Variants in ZSWIM5 observed in about 807,000 individuals in gnomAD.
The protein encoded by ZSWIM5 is zinc finger SWIM domain-containing protein 5.
Under a neutral mutation model 119.6 loss-of-function variants are expected in ZSWIM5, and 55 were observed. The ratio of observed to expected loss-of-function variants is 0.46; its 90% CI spans 0.37 to 0.58. The LOEUF (loss-of-function observed/expected upper bound fraction) is 0.58, where lower values mean the gene tolerates loss of function less well. Ranked by LOEUF, ZSWIM5 falls within the 20% of genes least tolerant of loss-of-function variation. ZSWIM5 has a pLI of 0.00. For synonymous variants in ZSWIM5, 537 were observed against 606.9 expected (o/e 0.88, Z 1.69); for missense variants, 1,193 against 1,512.8 (o/e 0.79, Z 3.51).
intron 4 of ZSWIM5, among the ~76,000 whole-genome samples, chr1:45,052,416 CA>C (rs1169572382): frequency 6.6e-5 from 10 of 152,070 alleles, no homozygotes; most frequent in African/African-American, 2.4e-4. Context: ...CTCTCAAAGC[CA>C]AATAGGAATG....
At chr1:45,195,911 A>G (rs1048688334) in intron 1 of ZSWIM5, among the ~76,000 whole-genome samples, 4 of 149,882 alleles carry the variant, frequency 2.7e-5, no homozygotes, top group East Asian at 3.9e-4. Context: ...TCTGTCACCT[A>G]CGCTGGAGAG....
At chr1:45,174,593 G>A (rs1481408189) in intron 1 of ZSWIM5, among the ~76,000 whole-genome samples, 3 of 148,100 alleles carry the variant, frequency 2.0e-5, no homozygotes, top group Non-Finnish European at 4.5e-5. Flanking sequence ...AAAAAAATTA[G>A]CTGGGCATGA....
At position 45,158,648 on chromosome 1, in the gene ZSWIM5, G is replaced by C. The variant is rs189118699; in HGVS notation, c.595+47108C>G. ...ATATAATAATTACCTTTATAGGTTT[G>C]TTGTGATGATTTAGACAATGGATTT... On this transcript the variant is annotated intron_variant, in intron 1 of 13. Transcript: ENST00000359600. Among the ~76,000 whole-genome samples, 260 of 152,288 alleles carry C rather than the reference G, an allele frequency of 1.7e-3. 1 individual carries two copies. Among genetic ancestry groups the C allele is most frequent in the African/African-American group, 5.9e-3 (246 of 41,572 alleles).
intron 1 of ZSWIM5, among the ~76,000 whole-genome samples, chr1:45,155,923 T>C (rs907310419): frequency 1.3e-5 from 2 of 151,702 alleles, no homozygotes; most frequent in African/African-American, 2.4e-5. Flanking sequence ...AGACTACAAA[T>C]TGGGTTCAGT....
At chr1:45,125,999 T>C (rs1245205494) in intron 1 of ZSWIM5, among the ~76,000 whole-genome samples, 1 of 151,826 alleles carries the variant, frequency 6.6e-6, no homozygotes, top group Non-Finnish European at 1.5e-5. Flanking sequence ...ACCCAGGAGC[T>C]TGAGGTTACA....
At chr1:45,159,192 T>C (rs1407635458) in intron 1 of ZSWIM5, among the ~76,000 whole-genome samples, 2 of 152,174 alleles carry the variant, frequency 1.3e-5, no homozygotes, top group Non-Finnish European at 2.9e-5. Flanking sequence ...TATAAGTTAG[T>C]GTAAGTTATA....
intron 1 of ZSWIM5, among the ~76,000 whole-genome samples, chr1:45,115,538 C>T (rs568331821): frequency 4.2e-5 from 6 of 142,660 alleles, no homozygotes; most frequent in East Asian, 4.4e-4. Context: ...ACATCCCAGA[C>T]GGGGCGCGGG....
chr1:45,105,180 G>C (rs1192516371), intron 1 of ZSWIM5, among the ~76,000 whole-genome samples: 2 of 152,272 alleles, frequency 1.3e-5, no homozygotes, highest in African/African-American at 4.8e-5. Flanking sequence ...TCCAGCTCCT[G>C]GCCTCGGGTG....
intron 1 of ZSWIM5, among the ~76,000 whole-genome samples, chr1:45,184,540 C>T (rs1280265243): frequency 6.6e-6 from 1 of 152,314 alleles, no homozygotes; most frequent in African/African-American, 2.4e-5. Flanking sequence ...TGATAAGCAA[C>T]TCCAGCAAAG....
intron 5 of ZSWIM5, among the ~76,000 whole-genome samples, chr1:45,047,301 C>A (rs1007452452): frequency 1.3e-5 from 2 of 151,892 alleles, no homozygotes; most frequent in Non-Finnish European, 2.9e-5. Flanking sequence ...GATTTAGCAA[C>A]AGTTAGCATA....
At chr1:45,067,787 G>A (rs928206942) in intron 2 of ZSWIM5, among the ~76,000 whole-genome samples, 3 of 152,140 alleles carry the variant, frequency 2.0e-5, no homozygotes, top group Admixed American at 6.6e-5. Flanking sequence ...GCCCTTATAT[G>A]TTCACTGGTT....
intron 1 of ZSWIM5, among the ~76,000 whole-genome samples, chr1:45,096,447 TGTGTGTGTGTGTGTGC>T (rs1435245736): frequency 2.7e-5 from 4 of 150,478 alleles, no homozygotes; most frequent in African/African-American, 9.9e-5. Context: ...TGTGTGTGTG[TGTGTGTGTGTGTGTGC>T]GTGTGTGTGC....
intron 1 of ZSWIM5, among the ~76,000 whole-genome samples, chr1:45,204,668 G>A (rs1385653049): frequency 3.3e-5 from 5 of 152,030 alleles, no homozygotes; most frequent in African/African-American, 1.2e-4. Context: ...TCTGGGGTTT[G>A]TGTCTTTCTG....
chr1:45,162,400 G>A (rs1337433138), intron 1 of ZSWIM5, among the ~76,000 whole-genome samples: 1 of 152,228 alleles, frequency 6.6e-6, no homozygotes, highest in Non-Finnish European at 1.5e-5. Flanking sequence ...ACAGCTCCCA[G>A]GGTGAGCAAT....
In ZSWIM5 at chr1:45,129,168, T is replaced by G. The variant is rs543046139; in HGVS notation, c.596-40931A>C. ...CATACATCTTGTTTTTTTTTTTTTT[T>G]TTTTTTTTTTGAGACAGAGTCTCGC... is the stretch of plus-strand genomic sequence containing the variant. On this transcript the variant is annotated intron_variant, in intron 1 of 13. Coordinates refer to ENST00000359600, the MANE Select transcript of ZSWIM5 (RefSeq NM_020883.2). Among the ~76,000 whole-genome samples, 1,000 of 145,298 alleles carry G rather than the reference T, an allele frequency of 6.9e-3. 7 individuals are homozygous for G. The highest frequency in any genetic ancestry group is 0.014 in the Middle Eastern group (4 of 284).
chr1:45,152,122 A>C (rs1178095511), intron 1 of ZSWIM5, among the ~76,000 whole-genome samples: 1 of 152,148 alleles, frequency 6.6e-6, no homozygotes, highest in African/African-American at 2.4e-5. Context: ...TTGGATTTTT[A>C]TACAAAGACC....
chr1:45,167,005 G>A (rs1401358387), intron 1 of ZSWIM5, among the ~76,000 whole-genome samples: 12 of 151,992 alleles, frequency 7.9e-5, no homozygotes, highest in Admixed American at 2.6e-4. Context: ...AAAAGAGCCC[G>A]CATTGCCAAG....
rs1050280467 is a variant in ZSWIM5 at position 45,115,440 on chromosome 1, C to T, written c.596-27203G>A. 2.0e-5 allele frequency among the ~76,000 whole-genome samples: 3 copies of T among 146,626 alleles called. No individual in the cohort carries two copies. The East Asian group carries it at 6.4e-4, about 31-fold the overall frequency. On this transcript the variant is annotated intron_variant, in intron 1 of 13. Transcript: ENST00000359600. Reference sequence around the variant, plus strand: ...CTCAGACGGGGCGGCCGGGCAGAGACGCTCCTCACCTTCCAGACGGGGTGG... The same window carrying T: ...CTCAGACGGGGCGGCCGGGCAGAGATGCTCCTCACCTTCCAGACGGGGTGG...
intron 1 of ZSWIM5, among the ~76,000 whole-genome samples, chr1:45,096,435 T>C (rs2149015455): frequency 1.7e-5 from 1 of 59,296 alleles, no homozygotes; most frequent in Non-Finnish European, 3.1e-5. Flanking sequence ...GATAACTGTT[T>C]GTGTGTGTGT....
Sources: allele counts gnomAD v4.1 joint callset (sites outside exome capture counted in the v4.1 genomes callset), GRCh38; gene constraint gnomAD v4.1.1; transcripts MANE v1.5; gene names NCBI Gene and HGNC (gene_info 2026-07-23, HGNC 2026-07-21).